The following CDK14 variants were observed in gnomAD, a reference collection of about 807,000 sequenced individuals.
CDK14 encodes cyclin dependent kinase 14.
CDK14 carries 34 observed loss-of-function variants against 60.7 expected under a neutral mutation model. The ratio of observed to expected loss-of-function variants is 0.56; its 90% confidence interval spans 0.43 to 0.75. The LOEUF is 0.75. Ranked by LOEUF, CDK14 falls within the 30% of genes least tolerant of loss-of-function variation. The pLI is 0.00. For synonymous variants in CDK14, 197 were observed against 203.7 expected, an observed-to-expected ratio of 0.97 and a Z score of 0.28; for missense variants, 482 against 564.1, an observed-to-expected ratio of 0.85 and a Z score of 1.47.
At chr7:91,174,205 C>T (rs1047862070) in intron 14 of CDK14, among the ~76,000 whole-genome samples, 46 of 152,092 alleles carry the variant, frequency 3.0e-4, no homozygotes, top group African/African-American at 1.1e-3. Context: ...ACACTGACAC[C>T]TCACACGGCA....
intron 11 of CDK14, among the ~76,000 whole-genome samples, chr7:91,069,443 A>G (rs1489798669): frequency 6.6e-6 from 1 of 152,122 alleles, no homozygotes; most frequent in Non-Finnish European, 1.5e-5. Flanking sequence ...TGGGAGGCTG[A>G]GGTGGAAGGA....
intron 2 of CDK14, among the ~76,000 whole-genome samples, chr7:90,647,499 T>A (rs1243004522): frequency 8.9e-6 from 1 of 111,984 alleles, no homozygotes; most frequent in African/African-American, 3.9e-5. Flanking sequence ...TGGTTAGTTT[T>A]ATTTTTTTAT....
chr7:91,015,521 G>GTTTTTTTTTTTTTTT (rs10710645), intron 10 of CDK14, among the ~76,000 whole-genome samples: 4 of 77,662 alleles, frequency 5.2e-5, no homozygotes, highest in Admixed American at 1.7e-4. Flanking sequence ...TATGTCTTGG[G>GTTTTTTTTTTTTTTT]TTTTTTTTTT....
At chr7:91,135,626 C>T (rs1428430739) in intron 14 of CDK14, among the ~76,000 whole-genome samples, 4 of 152,122 alleles carry the variant, frequency 2.6e-5, no homozygotes, top group African/African-American at 9.7e-5. Context: ...GGGTGAGGAG[C>T]AGAAGGAAAT....
intron 3 of CDK14, among the ~76,000 whole-genome samples, chr7:90,730,724 T>A (rs1802828894): frequency 6.6e-6 from 1 of 152,222 alleles, no homozygotes; most frequent in African/African-American, 2.4e-5. Flanking sequence ...TGTAAATTTG[T>A]TTAAGTTCTT....
chr7:90,751,587 A>G (rs1375118773), intron 4 of CDK14, among the ~76,000 whole-genome samples: 3 of 152,250 alleles, frequency 2.0e-5, no homozygotes, highest in African/African-American at 7.2e-5. Flanking sequence ...CATGGCCCAC[A>G]GATTCTGTAA....
intron 14 of CDK14, among the ~76,000 whole-genome samples, chr7:91,173,982 G>C (rs1166069062): frequency 2.0e-5 from 3 of 152,190 alleles, no homozygotes; most frequent in East Asian, 1.9e-4. Flanking sequence ...GCCTGCCTCT[G>C]TAGGCTCCAC....
At position 91,065,135 on chromosome 7, in the gene CDK14, C is replaced by A. The variant is rs142913377; in HGVS notation, c.1106-14297C>A. Among the ~76,000 whole-genome samples the A allele has an allele frequency of 6.2e-4, 94 of 152,284 alleles. 1 individual carries two copies. The highest frequency in any genetic ancestry group is 2.4e-3 in the Admixed American group (37 of 15,284). On this transcript the variant is annotated intron_variant, in intron 11 of 14. Coordinates refer to ENST00000380050, the MANE Select transcript of CDK14 (RefSeq NM_001287135.2). The stretch of plus-strand genomic sequence containing the variant: ...AAGATTACTCATTTAGAAAAGCATG[C>A]TGTTAGTAATTGAAGGATGATTTCC...
chr7:90,684,829 C>A (rs1403984643), intron 2 of CDK14, among the ~76,000 whole-genome samples: 3 of 152,076 alleles, frequency 2.0e-5, no homozygotes, highest in Non-Finnish European at 4.4e-5. Flanking sequence ...ACCCATGTAT[C>A]TACTGCACAT....
chr7:90,852,341 A>G (rs187120923), intron 5 of CDK14, among the ~76,000 whole-genome samples: 185 of 152,356 alleles, frequency 1.2e-3, no homozygotes, highest in Non-Finnish European at 2.0e-3. Flanking sequence ...ACTTTGCATA[A>G]ACCATTTTAT....
intron 14 of CDK14, among the ~76,000 whole-genome samples, chr7:91,185,604 C>T (rs1383604962): frequency 6.6e-6 from 1 of 151,996 alleles, no homozygotes; most frequent in Non-Finnish European, 1.5e-5. Context: ...GGGCAAGTTA[C>T]TCCCAAAACT....
chr7:90,672,665 G>T (rs1294618793), intron 2 of CDK14, among the ~76,000 whole-genome samples: 1 of 151,636 alleles, frequency 6.6e-6, no homozygotes, highest in African/African-American at 2.4e-5. Context: ...GACTACAGGT[G>T]TACACCACAA....
intron 14 of CDK14, among the ~76,000 whole-genome samples, chr7:91,202,395 A>G (rs978411113): frequency 1.3e-5 from 2 of 152,154 alleles, no homozygotes; most frequent in Admixed American, 1.3e-4. Flanking sequence ...TGATTTATAT[A>G]CCTATGAGTG....
chr7:91,176,609 A>C (rs1402706290), intron 14 of CDK14, among the ~76,000 whole-genome samples: 5 of 152,180 alleles, frequency 3.3e-5, no homozygotes, highest in Admixed American at 1.3e-4. Flanking sequence ...AGACACAATA[A>C]AAAATGATAA....
intron 5 of CDK14, among the ~76,000 whole-genome samples, 157 bp from the exon 6 acceptor site, chr7:90,863,018 A>G (rs1791058130): frequency 6.6e-6 from 1 of 152,160 alleles, no homozygotes; most frequent in Admixed American, 6.5e-5. Context: ...CATCTCAAAA[A>G]AAGTCTTGTT....
At position 91,122,284 on chromosome 7, in the gene CDK14, G is replaced by GA. The variant is rs1344262145; in HGVS notation, c.*28+4085dup. 1.2e-4 allele frequency among the ~76,000 whole-genome samples: 18 copies of GA among 150,832 alleles called. No homozygotes were observed. The South Asian group carries it at 2.5e-3, about 21-fold the overall frequency. ...CATTATGTAGGAATTACATGATAAT[G>GA]AAAAAAAAATGTGTCGGACTCTCTA... On this transcript the variant is annotated intron_variant, in intron 14 of 14. Coordinates refer to ENST00000380050, the MANE Select transcript of CDK14 (RefSeq NM_001287135.2).
intron 2 of CDK14, among the ~76,000 whole-genome samples, chr7:90,638,512 A>G (rs867034127): frequency 6.6e-6 from 1 of 152,160 alleles, no homozygotes; most frequent in Admixed American, 6.5e-5. Flanking sequence ...TGTTAGTCTG[A>G]TGGGCTTCCC....
At chr7:91,087,076 C>T (rs1346343095) in intron 12 of CDK14, among the ~76,000 whole-genome samples, 1 of 152,196 alleles carries the variant, frequency 6.6e-6, no homozygotes, top group African/African-American at 2.4e-5. Context: ...TACCTACCAC[C>T]ATCCCTAGCT....
intron 7 of CDK14, among the ~76,000 whole-genome samples, chr7:90,902,873 G>A (rs1305626235): frequency 6.6e-6 from 1 of 151,914 alleles, no homozygotes; most frequent in Admixed American, 6.6e-5. Context: ...GATTATAAAA[G>A]GAATTCAAAC....
Sources: gnomAD v4.1 joint callset for allele counts (sites outside exome capture counted in the v4.1 genomes callset) on GRCh38, gnomAD v4.1.1 for gene constraint, MANE v1.5 for transcripts, NCBI Gene and HGNC (gene_info 2026-07-23, HGNC 2026-07-21) for gene names.